The following UBE2E2 variants were observed in gnomAD, a reference collection of about 807,000 sequenced individuals.
The protein encoded by UBE2E2 is ubiquitin conjugating enzyme E2 E2.
UBE2E2 carries 6 observed loss-of-function variants against 24.7 expected under a neutral mutation model. The observed-to-expected ratio is 0.24, with a 90% CI of 0.13 to 0.48. The LOEUF (loss-of-function observed/expected upper bound fraction) is 0.48. Among genes scored for constraint, UBE2E2 ranks in the 20% least tolerant of loss-of-function variants. UBE2E2 has a pLI of 0.99. For missense variants in UBE2E2, 169 were observed against 245.0 expected (o/e 0.69, Z 2.07); for synonymous variants, 104 against 83.6 (o/e 1.24, Z -1.33).
intron 5 of UBE2E2, among the ~76,000 whole-genome samples, chr3:23,571,280 CTTTTTTTTT>C (rs59243406): frequency 0.014 from 418 of 29,888 alleles, 18 homozygotes; most frequent in African/African-American, 0.018. Context: ...GTGCTCCTTT[CTTTTTTTTT>C]TTTTTTTTTT....
rs1045393956 is a variant in UBE2E2, at chr3:23,568,024, C to T, written c.509-21710C>T. On this transcript the variant is annotated intron_variant, in intron 5 of 5. Transcript: ENST00000396703. ...AGGCCTCAGCCCAAATCAGAGCCCA[C>T]ACTTTCAGTGGACAGTCACTCCTCA... 4.6e-5 allele frequency among the ~76,000 whole-genome samples: 7 copies of T among 152,330 alleles called. 1 individual carries two copies. Among genetic ancestry groups the T allele is most frequent in the South Asian group, 2.1e-4 (1 of 4,828 alleles).
chr3:23,526,405 T>TA (rs918716983), intron 4 of UBE2E2, among the ~76,000 whole-genome samples: 2 of 152,134 alleles, frequency 1.3e-5, no homozygotes. Context: ...CTCTTTTACC[T>TA]AAAAAACAAT....
intron 5 of UBE2E2, among the ~76,000 whole-genome samples, chr3:23,550,971 T>A (rs1695629014): frequency 6.6e-6 from 1 of 152,202 alleles, no homozygotes; most frequent in Non-Finnish European, 1.5e-5. Context: ...CCTGCCTTAT[T>A]AGTAGGGATG....
At chr3:23,429,213 A>G (rs1697999662) in intron 3 of UBE2E2, among the ~76,000 whole-genome samples, 1 of 152,178 alleles carries the variant, frequency 6.6e-6, no homozygotes, top group Admixed American at 6.5e-5. Flanking sequence ...TACATTAAAG[A>G]AGAAATTATA....
intron 3 of UBE2E2, among the ~76,000 whole-genome samples, chr3:23,357,778 C>T (rs113340401): frequency 1.2e-3 from 189 of 152,258 alleles, no homozygotes; most frequent in African/African-American, 3.9e-3. Flanking sequence ...TATAAACATA[C>T]GGTGTCTACA....
chr3:23,490,169 A>G (rs1699466262), intron 3 of UBE2E2, among the ~76,000 whole-genome samples: 1 of 152,180 alleles, frequency 6.6e-6, no homozygotes, highest in Non-Finnish European at 1.5e-5. Flanking sequence ...TCTGTGTTAT[A>G]AAAAAATTGA....
rs1696745294 is a variant in UBE2E2 at position 23,590,896 on chromosome 3, T to C, written c.*1065T>C. 1 of 152,256 alleles carries C rather than the reference T, an allele frequency of 6.6e-6. No homozygotes were observed. Among genetic ancestry groups the C allele is most frequent in the Admixed American group, 6.5e-5 (1 of 15,284 alleles). The allele number at this position is 152,256 out of a possible 1,614,324, so 9.4% of individuals were successfully genotyped here. The stretch of plus-strand genomic sequence containing the variant: ...GTGAAAGTGAAGTCTGAGCTAATCA[T>C]TGTGTTCAGCCACTTTCAACTTTAT... On this transcript the variant is annotated 3_prime_UTR_variant, in exon 6 of 6. Coordinates refer to ENST00000396703, the MANE Select transcript of UBE2E2 (RefSeq NM_152653.4).
Position 23,499,628 on chromosome 3 carries a change from A to G in UBE2E2, c.248A>G (p.Asn83Ser). Residue 83 changes from asparagine (N) to serine (S), a missense_variant, in exon 4 of 6, where the codon AAC becomes AGC. Physicochemically the swap from Asn to Ser is conservative, Grantham distance 46. Around this residue, in one of 2 missense-constraint regions of UBE2E2, gnomAD observed 105 missense variants for 180.7 expected, o/e 0.58. Transcript: ENST00000396703. ...TTCAGTGCTGGACCCAAAGGAGACA[A>G]CATTTATGAATGGAGGTCAACTATA... ...PNCSAGPKGD[N>S]IYEWRSTILG... 2.5e-6 allele frequency: 4 copies of G among 1,613,652 alleles called. No individual in the cohort carries two copies. The highest frequency in any genetic ancestry group is 3.4e-6 in the Non-Finnish European group (4 of 1,179,794).
At chr3:23,497,995 A>G (rs548709068) in intron 3 of UBE2E2, among the ~76,000 whole-genome samples, 2 of 152,322 alleles carry the variant, frequency 1.3e-5, no homozygotes, top group East Asian at 3.9e-4. Context: ...TTGTAAAATA[A>G]TATTACTGAA....
At chr3:23,401,150 A>G (rs1462619591) in intron 3 of UBE2E2, among the ~76,000 whole-genome samples, 1 of 152,230 alleles carries the variant, frequency 6.6e-6, no homozygotes, top group African/African-American at 2.4e-5. Context: ...ATTCTAGGCT[A>G]AGGAACCAGC....
intron 5 of UBE2E2, among the ~76,000 whole-genome samples, chr3:23,571,043 A>T (rs1206319746): frequency 6.6e-6 from 1 of 152,088 alleles, no homozygotes; most frequent in Non-Finnish European, 1.5e-5. Context: ...ATGCTAGCAC[A>T]ATTTTTCCCA....
intron 3 of UBE2E2, among the ~76,000 whole-genome samples, chr3:23,380,086 T>TAAA (rs10559253): frequency 0.066 from 9,000 of 136,126 alleles, 395 homozygotes; most frequent in Non-Finnish European, 0.088. Context: ...TTGATTACTG[T>TAAA]AAAAAAAAAA....
intron 3 of UBE2E2, among the ~76,000 whole-genome samples, chr3:23,308,415 T>C (rs1339412707): frequency 3.3e-5 from 5 of 152,164 alleles, no homozygotes; most frequent in African/African-American, 9.7e-5. Context: ...CATACTATAG[T>C]GAATTAACAA....
intron 3 of UBE2E2, among the ~76,000 whole-genome samples, chr3:23,294,597 A>G (rs961498949): frequency 1.4e-5 from 2 of 147,038 alleles, no homozygotes; most frequent in African/African-American, 2.5e-5. Context: ...TAGTTTTTTT[A>G]TTAGATTATT....
intron 3 of UBE2E2, among the ~76,000 whole-genome samples, chr3:23,269,002 G>A (rs922011129): frequency 2.0e-5 from 3 of 151,890 alleles, no homozygotes; most frequent in African/African-American, 7.3e-5. Context: ...CTAGCCATAT[G>A]TAGAAAGCTG....
chr3:23,293,062 A>C (rs574800247), intron 3 of UBE2E2, among the ~76,000 whole-genome samples: 76 of 152,334 alleles, frequency 5.0e-4, no homozygotes, highest in African/African-American at 1.8e-3. Flanking sequence ...AACAAGAGCG[A>C]AACTCCGTCT....
intron 5 of UBE2E2, among the ~76,000 whole-genome samples, chr3:23,550,334 G>A (rs1296872929): frequency 6.6e-6 from 1 of 152,090 alleles, no homozygotes; most frequent in African/African-American, 2.4e-5. Flanking sequence ...ACCCCATGTG[G>A]CCAAAGGGCT....
chr3:23,304,706 A>C (rs1282514679), intron 3 of UBE2E2, among the ~76,000 whole-genome samples: 1 of 152,208 alleles, frequency 6.6e-6, no homozygotes. Context: ...CCAAAAGTTA[A>C]CAAGTGGTAA....
chr3:23,300,732 C>T (rs1323182697), intron 3 of UBE2E2, among the ~76,000 whole-genome samples: 1 of 152,022 alleles, frequency 6.6e-6, no homozygotes, highest in Non-Finnish European at 1.5e-5. Context: ...TCCTTCATTT[C>T]AACTTTGGTG....
Sources: gnomAD v4.1 joint callset for allele counts (sites outside exome capture counted in the v4.1 genomes callset) on GRCh38, gnomAD v4.1.1 for gene constraint, gnomAD v4.1.1 regional missense constraint, MANE v1.5 for transcripts, NCBI Gene and HGNC (gene_info 2026-07-23, HGNC 2026-07-21) for gene names.